ARHGAP23: variants seen among roughly 807,000 people sequenced by gnomAD.
ARHGAP23 encodes rho GTPase-activating protein 23.
In ARHGAP23, 34 loss-of-function variants were observed where a neutral mutation model predicts 136.3. The ratio of observed to expected loss-of-function variants is 0.25; its 90% CI spans 0.19 to 0.33. ARHGAP23 has a LOEUF of 0.33. Ranked by LOEUF, ARHGAP23 falls within the 10% of genes least tolerant of loss-of-function variation. The pLI, the probability that ARHGAP23 is intolerant of heterozygous loss-of-function variation, is 1.00. For synonymous variants in ARHGAP23, 832 were observed against 920.5 expected (o/e 0.90, Z 1.74); for missense variants, 1,808 against 2,139.0 (o/e 0.85, Z 3.05).
chr17:38,464,290 CCACA>C (rs139399817), intron 6 of ARHGAP23, among the ~76,000 whole-genome samples: 116 of 150,978 alleles, frequency 7.7e-4, no homozygotes, highest in African/African-American at 2.4e-3. Flanking sequence ...GCATACCCTT[CCACA>C]CACACACACA....
intron 2 of ARHGAP23, among the ~76,000 whole-genome samples, chr17:38,459,282 A>T (rs946776924): frequency 7.9e-5 from 12 of 152,188 alleles, no homozygotes; most frequent in Non-Finnish European, 2.9e-5. Context: ...CTCTGTGTGC[A>T]TCGCGTGCTG....
intron 1 of ARHGAP23, among the ~76,000 whole-genome samples, chr17:38,439,451 C>A (rs1315947483): frequency 2.0e-5 from 3 of 152,326 alleles, no homozygotes; most frequent in Middle Eastern, 3.4e-3. Flanking sequence ...CTAGGCCAGG[C>A]CCTGTTGAGT....
intron 11 of ARHGAP23, among the ~76,000 whole-genome samples, chr17:38,475,767 G>A (rs768264875): frequency 9.2e-5 from 14 of 152,274 alleles, no homozygotes; most frequent in Non-Finnish European, 1.3e-4. Flanking sequence ...ATGAGAGGAC[G>A]GACAAGCTCC....
In ARHGAP23 at chr17:38,466,678, C is replaced by T. The variant is rs2039607713; in HGVS notation, c.995C>T (p.Ser332Phe). 2.0e-6 allele frequency: 3 copies of T among 1,520,192 alleles called. No homozygotes were observed. The highest frequency in any genetic ancestry group is 2.6e-6 in the Non-Finnish European group (3 of 1,135,020). 94.2% of individuals were successfully genotyped at this position (1,520,192 alleles called of 1,614,324 possible). Residue 332 changes from serine (S) to phenylalanine (F), a missense_variant, in exon 7 of 24, where the codon TCC becomes TTC. Transcript: ENST00000622683. ...GCTGCCCCCCGCCCGTGGCCCTGCT[C>T]CACCTCCCAGGATGCTTTGAGCCAG... ...EVAAPRPWPC[S>F]TSQDALSQLG...
Position 38,490,127 on chromosome 17 carries a change from C to T in ARHGAP23, c.3012C>T (p.Ala1004=), listed in dbSNP as rs1218453610. Residue 1004 remains alanine (A), a synonymous_variant, in exon 18 of 24, where the codon GCC becomes GCT. Coordinates refer to ENST00000622683, the MANE Select transcript of ARHGAP23 (RefSeq NM_001199417.2). The part of the protein sequence containing the change: ...TDDKYNDFIE[A]NRIEDARERM... ...ACAAATACAACGACTTCATCGAGGC[C>T]AACCGCATTGAGGACGCGCGGGAGC... 12 of 1,551,782 alleles carry T rather than the reference C, an allele frequency of 7.7e-6. No homozygotes were observed. In the East Asian group the frequency reaches 1.2e-4, roughly 16 times the overall value.
In ARHGAP23 at chr17:38,510,101, C is replaced by A. The variant is rs1360972317; in HGVS notation, c.3605C>A (p.Ala1202Glu). 34 of 1,244,886 alleles carry A rather than the reference C, an allele frequency of 2.7e-5. No individual in the cohort carries two copies. Among genetic ancestry groups the A allele is most frequent in the Non-Finnish European group, 3.3e-5 (33 of 997,962 alleles). 77.1% of individuals were successfully genotyped at this position (1,244,886 alleles called of 1,614,324 possible). A position where few individuals can be genotyped will look rare whatever the true frequency, so the allele number is the denominator to read the frequency against. ...DSEQEAHKPG[A>E]GATAPGTQER... The stretch of plus-strand genomic sequence containing the variant: ...GAGCAGGAGGCGCACAAGCCTGGGG[C>A]GGGGGCCACAGCGCCGGGGACTCAG... The change falls in exon 24 of 24, where the codon GCG becomes GAG. Residue 1202 changes from alanine (A) to glutamate (E), a missense_variant. Ala to Glu is a moderately radical substitution (Grantham distance 107, BLOSUM62 -1). Transcript: ENST00000622683. The surrounding 1 kb of genome is among the most constrained non-coding windows in gnomAD (Gnocchi z 4.6).
At chr17:38,464,899 G>A (rs1419004162) in intron 6 of ARHGAP23, among the ~76,000 whole-genome samples, 6 of 152,296 alleles carry the variant, frequency 3.9e-5, no homozygotes, top group African/African-American at 9.6e-5. Flanking sequence ...GAGGCCAATC[G>A]GGCCTCGGCA....
intron 17 of ARHGAP23, among the ~76,000 whole-genome samples, chr17:38,488,350 C>A (rs2040201585): frequency 6.6e-6 from 1 of 152,110 alleles, no homozygotes. Context: ...TCTATTTTCT[C>A]TGTAATTGCT....
intron 15 of ARHGAP23, 79 bp downstream of exon 15, chr17:38,482,222 G>C (rs1380608085): frequency 6.6e-7 from 1 of 1,520,244 alleles, no homozygotes; most frequent in African/African-American, 1.4e-5. Context: ...AAGGGACATG[G>C]AACCAGCTCT....
Position 38,510,959 on chromosome 17 carries a change from A to T in ARHGAP23, c.4463A>T (p.His1488Leu). 6.9e-7 allele frequency: 1 copy of T among 1,454,622 alleles called. No homozygotes were observed. The highest frequency in any genetic ancestry group is 9.0e-7 in the Non-Finnish European group (1 of 1,115,698). 90.1% of individuals were successfully genotyped at this position (1,454,622 alleles called of 1,614,324 possible). The part of the protein sequence containing the change: ...PPRRSAASRL[H>L]QCL ...CGCCGCTCGGCCGCCTCCCGCCTGC[A>T]TCAGTGTCTGTGATCCCCACCTCCC... The change falls in exon 24 of 24, where the codon CAT becomes CTT. Residue 1488 changes from histidine (H) to leucine (L), a missense_variant. His to Leu is a moderately conservative substitution (Grantham distance 99, BLOSUM62 -3). Transcript: ENST00000622683. This position sits in a 1 kb window ranked among gnomAD's most constrained non-coding sequence, Gnocchi z 4.6.
At chr17:38,499,080 C>A in intron 22 of ARHGAP23, 1 of 662,212 alleles carries the variant, frequency 1.5e-6, no homozygotes, top group Non-Finnish European at 2.8e-6. Context: ...CCAGTTACCC[C>A]TGCCTGTTAT....
intron 3 of ARHGAP23, among the ~76,000 whole-genome samples, chr17:38,461,757 C>G (rs1481704164): frequency 6.6e-6 from 1 of 152,088 alleles, no homozygotes; most frequent in African/African-American, 2.4e-5. Context: ...TATTAGGTGT[C>G]TTGCTGGGTC....
At chr17:38,442,710 G>A (rs989291205) in intron 1 of ARHGAP23, among the ~76,000 whole-genome samples, 2 of 152,252 alleles carry the variant, frequency 1.3e-5, no homozygotes, top group African/African-American at 2.4e-5. Context: ...CAAAGGACCC[G>A]AGGCTGGAAG....
At chr17:38,443,698 T>C in intron 1 of ARHGAP23, among the ~76,000 whole-genome samples, 1 of 17,576 alleles carries the variant, frequency 5.7e-5, no homozygotes, top group South Asian at 2.0e-3. Context: ...GGTGAGGGGG[T>C]GGGTGGTTTC....
chr17:38,427,582 C>T (rs2038588287), upstream of ARHGAP23, among the ~76,000 whole-genome samples: 1 of 152,194 alleles, frequency 6.6e-6, no homozygotes, highest in Admixed American at 6.5e-5. Flanking sequence ...CAGGGCATCT[C>T]TTTAGGCCCA....
chr17:38,479,989 CTG>C (rs1189932362), intron 14 of ARHGAP23, 106 bp downstream of exon 14: 11 of 1,457,534 alleles, frequency 7.5e-6, no homozygotes, highest in Admixed American at 2.1e-5. Context: ...GTGTGCCTGA[CTG>C]TGTGCCAGGG....
chr17:38,505,882 T>A (rs2040624102), intron 23 of ARHGAP23, among the ~76,000 whole-genome samples: 1 of 152,186 alleles, frequency 6.6e-6, no homozygotes. Context: ...GAGCCAAGAT[T>A]GCACCATTGC....
rs565445433 is a variant in ARHGAP23, at chr17:38,437,401, C to T, written c.63+8853C>T. On this transcript the variant is annotated intron_variant, in intron 1 of 23. Transcript: ENST00000622683. ...TTGGTCTCCCAAAGTATTGGGATTA[C>T]AGGCATGAACCAAAGATCAATTTGA... is the stretch of plus-strand genomic sequence containing the variant. Among the ~76,000 whole-genome samples, 4 of 152,190 alleles carry T rather than the reference C, an allele frequency of 2.6e-5. No homozygotes were observed. The South Asian group carries it at 6.2e-4, about 24-fold the overall frequency.
upstream of ARHGAP23, among the ~76,000 whole-genome samples, chr17:38,428,203 C>T (rs1177883972): frequency 6.6e-6 from 1 of 152,212 alleles, no homozygotes; most frequent in African/African-American, 2.4e-5. Context: ...CAAGCGTCTC[C>T]TGGAGACCGC....
Sources: gnomAD v4.1 joint callset for allele counts (sites outside exome capture counted in the v4.1 genomes callset) on GRCh38, gnomAD v4.1.1 for gene constraint, Gnocchi (gnomAD v3.1) non-coding constraint, MANE v1.5 for transcripts, NCBI Gene and HGNC (gene_info 2026-07-23, HGNC 2026-07-21) for gene names.